Variants in TOMM40 observed in about 807,000 individuals in gnomAD.
TOMM40 encodes mitochondrial import receptor subunit TOM40 homolog.
Under a neutral mutation model 38.4 loss-of-function variants are expected in TOMM40, and 9 were observed. That is an observed-to-expected ratio of 0.23 (90% confidence interval 0.14 to 0.41). The LOEUF (loss-of-function observed/expected upper bound fraction) is 0.41. Among genes scored for constraint, TOMM40 ranks in the 10% least tolerant of loss-of-function variants. The probability of loss-of-function intolerance (pLI) is 1.00; values close to 1 mark genes in which losing one functional copy is unlikely to be tolerated. For synonymous variants in TOMM40, 184 were observed against 210.0 expected, an observed-to-expected ratio of 0.88 and a Z score of 1.07; for missense variants, 299 against 486.5, an observed-to-expected ratio of 0.61 and a Z score of 3.63.
At chr19:44,901,431 A>G in intron 8 of TOMM40, 121 bp downstream of exon 8, 1 of 1,500,878 alleles carries the variant, frequency 6.7e-7, no homozygotes. Context: ...CCTCCACATT[A>G]CCAGGGAACA....
At chr19:44,892,791 C>G (rs745931593) in intron 2 of TOMM40, 46 bp from the exon 3 acceptor site, 2 of 1,514,766 alleles carry the variant, frequency 1.3e-6, no homozygotes, top group South Asian at 2.3e-5. Context: ...CTTCAGTGGG[C>G]AAGCCTATCT....
chr19:44,897,625 G>A (rs1969590678), intron 5 of TOMM40, among the ~76,000 whole-genome samples: 2 of 151,210 alleles, frequency 1.3e-5, no homozygotes. Flanking sequence ...GCTAATTTTT[G>A]TATTTTTGCG....
chr19:44,891,942 G>C (rs1183393046), intron 1 of TOMM40, among the ~76,000 whole-genome samples: 1 of 152,202 alleles, frequency 6.6e-6, no homozygotes, highest in Non-Finnish European at 1.5e-5. Flanking sequence ...GATCAGCCAA[G>C]CCAGACTTCT....
rs1414425902 is a variant in TOMM40 at position 44,892,921 on chromosome 19, C to G, written c.427C>G (p.Pro143Ala). The change falls in exon 3 of 9, where the codon CCC (proline) becomes GCC (alanine). Residue 143 changes from proline to alanine, a missense_variant. Physicochemically the swap from Pro to Ala is conservative, Grantham distance 27 (BLOSUM62 -1). Transcript: ENST00000426677. ...ATATGTGGGGACAAAGCAGCTGAGTCCCACAGAGGTGAGCTTCCTTTTTCA... is the reference window on the plus strand; with the variant it reads ...ATATGTGGGGACAAAGCAGCTGAGTGCCACAGAGGTGAGCTTCCTTTTTCA... ...VTYVGTKQLS[P>A]TEAFPVLVGD... 3 of 1,612,364 alleles carry G rather than the reference C, an allele frequency of 1.9e-6. No homozygotes were observed. In the African/African-American group the frequency reaches 4.0e-5, roughly 22 times the overall value.
chr19:44,891,299 G>A lies in TOMM40; in HGVS notation c.-117G>A, dbSNP rs927136471. On this transcript the variant is annotated 5_prime_UTR_variant, in exon 1 of 9. Transcript: ENST00000426677. ...GGTGGGAGCGGAGCCCAGGCCGGGAGCAGGCGCCGCCGCCAGTGAGAACCG... is the reference window on the plus strand; with the variant it reads ...GGTGGGAGCGGAGCCCAGGCCGGGAACAGGCGCCGCCGCCAGTGAGAACCG... The A allele has an allele frequency of 6.1e-5, 73 of 1,194,210 alleles. No homozygotes were observed. The highest frequency in any genetic ancestry group is 1.1e-5 in the Non-Finnish European group (11 of 960,718). 74.0% of individuals were successfully genotyped at this position (1,194,210 alleles called of 1,614,324 possible).
At chr19:44,891,889 CAT>C (rs1969473794) in intron 1 of TOMM40, among the ~76,000 whole-genome samples, 200 bp downstream of exon 1, 1 of 152,144 alleles carries the variant, frequency 6.6e-6, no homozygotes. Context: ...GATGGAATGT[CAT>C]AGCAGTAGAG....
At position 44,891,344 on chromosome 19, in the gene TOMM40, A is replaced by G. The variant is rs574148536; in HGVS notation, c.-72A>G. On this transcript the variant is annotated 5_prime_UTR_variant, in exon 1 of 9. Transcript: ENST00000426677. ...GAACCGGGGCCGGAGCCGGGTGCGGATTTGCTGGGGCTGAGTCGGGGGCGC... is the reference window on the plus strand; with the variant it reads ...GAACCGGGGCCGGAGCCGGGTGCGGGTTTGCTGGGGCTGAGTCGGGGGCGC... The G allele has an allele frequency of 3.1e-3, 3,825 of 1,220,546 alleles. 8 individuals are homozygous for G. Among genetic ancestry groups the G allele is most frequent in the Non-Finnish European group, 3.6e-3 (3,535 of 979,490 alleles). 75.6% of individuals were successfully genotyped at this position (1,220,546 alleles called of 1,614,324 possible).
rs1234337315 is a variant in TOMM40, at chr19:44,893,899, G to A, written c.537+18G>A. The stretch of plus-strand genomic sequence containing the variant: ...CCATCCAGGTGAGTGGGGCACGGAG[G>A]CTGCTGCTCCCCTCGGCCACCGTGA... On this transcript the variant is annotated intron_variant, in intron 4 of 8. Transcript: ENST00000426677. 2 of 1,610,602 alleles carry A rather than the reference G, an allele frequency of 1.2e-6. No homozygotes were observed. Among genetic ancestry groups the A allele is most frequent in the Non-Finnish European group, 8.5e-7 (1 of 1,178,918 alleles).
At chr19:44,894,314 T>C (rs1400902964) in intron 5 of TOMM40, among the ~76,000 whole-genome samples, 1 of 142,758 alleles carries the variant, frequency 7.0e-6, no homozygotes, top group Admixed American at 7.4e-5. Context: ...CAGGTTGGAG[T>C]GCCGTGGCAC....
rs1327310739 is a variant in TOMM40, at chr19:44,903,236, G to A, written c.*67G>A. 7 of 1,512,034 alleles carry A rather than the reference G, an allele frequency of 4.6e-6. No individual in the cohort carries two copies. Among genetic ancestry groups the A allele is most frequent in the Non-Finnish European group, 6.3e-6 (7 of 1,116,008 alleles). 93.7% of individuals were successfully genotyped at this position (1,512,034 alleles called of 1,614,324 possible). On this transcript the variant is annotated 3_prime_UTR_variant, in exon 9 of 9. Coordinates refer to ENST00000426677, the MANE Select transcript of TOMM40 (RefSeq NM_001128917.2). ...TCCACCTCCACCTCCCCCTGCCACA[G>A]AGGGGAGACCTGAGCCCCCCTCCCT... is the stretch of plus-strand genomic sequence containing the variant.
rs1969681803 is a variant in TOMM40 at position 44,901,441 on chromosome 19, A to G, written c.946+131A>G. 4 of 1,486,330 alleles carry G rather than the reference A, an allele frequency of 2.7e-6. No homozygotes were observed. In the Admixed American group the frequency reaches 9.2e-5, roughly 34 times the overall value. 92.1% of individuals were successfully genotyped at this position (1,486,330 alleles called of 1,614,324 possible). A position where few individuals can be genotyped will look rare whatever the true frequency, so the allele number is the denominator to read the frequency against. On this transcript the variant is annotated intron_variant, in intron 8 of 8. Coordinates refer to ENST00000426677, the MANE Select transcript of TOMM40 (RefSeq NM_001128917.2). ...GTGGGCCTCCACATTACCAGGGAAC[A>G]CTTGTTAAAAGGTAGGTGGGGCCGG...
Position 44,891,379 on chromosome 19 carries a change from G to T in TOMM40, c.-37G>T. The T allele has an allele frequency of 8.0e-7, 1 of 1,247,760 alleles. No homozygotes were observed. Among genetic ancestry groups the T allele is most frequent in the South Asian group, 3.4e-5 (1 of 29,812 alleles). 77.3% of individuals were successfully genotyped at this position (1,247,760 alleles called of 1,614,324 possible). A position where few individuals can be genotyped will look rare whatever the true frequency, so the allele number is the denominator to read the frequency against. ...GCTGAGTCGGGGGCGCGCGGGCCCTGACCTCTGCCCTCTGACCTCTCCCCT... is the reference window on the plus strand; with the variant it reads ...GCTGAGTCGGGGGCGCGCGGGCCCTTACCTCTGCCCTCTGACCTCTCCCCT... On this transcript the variant is annotated 5_prime_UTR_variant, in exon 1 of 9. Coordinates refer to ENST00000426677, the MANE Select transcript of TOMM40 (RefSeq NM_001128917.2).
intron 5 of TOMM40, among the ~76,000 whole-genome samples, chr19:44,898,743 G>A (rs1969619235): frequency 2.0e-5 from 3 of 151,520 alleles, no homozygotes; most frequent in Admixed American, 2.0e-4. Context: ...TCACCATGTT[G>A]GCCAGGCTGG....
rs1271069774 is a variant in TOMM40 at position 44,903,279 on chromosome 19, G to A, written c.*110G>A. On this transcript the variant is annotated 3_prime_UTR_variant, in exon 9 of 9. Coordinates refer to ENST00000426677, the MANE Select transcript of TOMM40 (RefSeq NM_001128917.2). ...CCCTCCCTTCCCTCCCCCCTTGGGG[G>A]TCGGGGGGGACATTGGAAAGGAGGG... 5.0e-6 allele frequency: 6 copies of A among 1,199,644 alleles called. No homozygotes were observed. The highest frequency in any genetic ancestry group is 6.7e-6 in the Non-Finnish European group (6 of 898,994). The allele number at this position is 1,199,644 out of a possible 1,614,324, so 74.3% of individuals were successfully genotyped here.
At position 44,893,881 on chromosome 19, in the gene TOMM40, G is replaced by T. The variant is rs779955269; in HGVS notation, c.537G>T (p.Gln179His). Reference protein sequence around the residue: ...GPGLRSKMAIQTQQSKFVNWQ... With the variant: ...GPGLRSKMAIHTQQSKFVNWQ... ...GTCTCAGGTCCAAGATGGCCATCCA[G>T]GTGAGTGGGGCACGGAGGCTGCTGC... The change falls in exon 4 of 9, where the codon CAG becomes CAT. Residue 179 changes from glutamine to histidine, a missense_variant and splice_region_variant. Coordinates refer to ENST00000426677, the MANE Select transcript of TOMM40 (RefSeq NM_001128917.2). 1 of 1,612,192 alleles carries T rather than the reference G, an allele frequency of 6.2e-7. No homozygotes were observed. Among genetic ancestry groups the T allele is most frequent in the African/African-American group, 1.3e-5 (1 of 74,890 alleles).
At chr19:44,901,460 G>T (rs567117117) in intron 8 of TOMM40, 150 bp downstream of exon 8, 1 of 1,473,750 alleles carries the variant, frequency 6.8e-7, no homozygotes, top group African/African-American at 1.4e-5. Flanking sequence ...AAGGTAGGTG[G>T]GGCCGGGTGC....
At chr19:44,902,544 G>A (rs528357499) in intron 8 of TOMM40, 1 of 152,644 alleles carries the variant, frequency 6.6e-6, no homozygotes, top group Non-Finnish European at 1.5e-5. Context: ...TTCATCTTAC[G>A]TTAGTGGAAA....
At chr19:44,893,035 G>T (rs1433913408) in intron 3 of TOMM40, 106 bp downstream of exon 3, 1 of 864,904 alleles carries the variant, frequency 1.2e-6, no homozygotes, top group Non-Finnish European at 1.8e-6. Context: ...GCTACCGAGA[G>T]CCTGGAGATG....
At chr19:44,898,987 C>G (rs1342011195) in intron 5 of TOMM40, among the ~76,000 whole-genome samples, 1 of 151,588 alleles carries the variant, frequency 6.6e-6, no homozygotes, top group Non-Finnish European at 1.5e-5. Context: ...AAAAAATTAG[C>G]CAGGCATGGT....
Sources: gnomAD v4.1 joint callset for allele counts (sites outside exome capture counted in the v4.1 genomes callset) on GRCh38, gnomAD v4.1.1 for gene constraint, MANE v1.5 for transcripts, NCBI Gene and HGNC (gene_info 2026-07-23, HGNC 2026-07-21) for gene names.